Variants in IL6ST observed in about 807,000 individuals in gnomAD.
IL6ST encodes the protein interleukin 6 cytokine family signal transducer, also known as interleukin-6 receptor subunit beta.
Under a neutral mutation model 91.3 loss-of-function variants are expected in IL6ST, and 24 were observed. The observed-to-expected ratio is 0.26, with a 90% CI of 0.19 to 0.37. IL6ST has a LOEUF of 0.37. Among genes scored for constraint, IL6ST ranks in the 10% least tolerant of loss-of-function variants. The pLI is 1.00. For missense variants in IL6ST, 914 were observed against 1,078.5 expected (o/e 0.85, Z 2.14); for synonymous variants, 351 against 373.6 (o/e 0.94, Z 0.70).
intron 3 of IL6ST, among the ~76,000 whole-genome samples, chr5:55,971,071 A>G (rs959415603): frequency 6.6e-6 from 1 of 152,176 alleles, no homozygotes; most frequent in South Asian, 2.1e-4. Flanking sequence ...CATTAGACAT[A>G]TATCTACCTG....
intron 3 of IL6ST, among the ~76,000 whole-genome samples, chr5:55,972,996 T>C (rs1397952115): frequency 6.6e-6 from 1 of 150,462 alleles, no homozygotes; most frequent in Non-Finnish European, 1.5e-5. Flanking sequence ...CGAAACGAGA[T>C]TCCATCTCAA....
chr5:55,960,512 T>A lies in IL6ST; in HGVS notation c.863A>T (p.Asp288Val). The A allele has an allele frequency of 1.2e-6, 2 of 1,614,062 alleles. No individual in the cohort carries two copies. The highest frequency in any genetic ancestry group is 1.7e-6 in the Non-Finnish European group (2 of 1,179,926). ...CACATATTCTGTAAAAGGTTTAAGGTCTTGGACAGTGAATGAAGATCGGGT... is the reference window on the plus strand; with the variant it reads ...CACATATTCTGTAAAAGGTTTAAGGACTTGGACAGTGAATGAAGATCGGGT... The part of the protein sequence containing the change: ...ASTRSSFTVQ[D>V]LKPFTEYVFR... Residue 288 changes from aspartate (D) to valine (V), a missense_variant, in exon 8 of 17, where the codon GAC becomes GTC. Coordinates refer to ENST00000381298, the MANE Select transcript of IL6ST (RefSeq NM_002184.4).
intron 14 of IL6ST, among the ~76,000 whole-genome samples, chr5:55,947,971 A>G (rs1023641642): frequency 3.3e-5 from 5 of 152,226 alleles, no homozygotes; most frequent in South Asian, 2.1e-4. Flanking sequence ...ATACTGTATA[A>G]CAGAGAAATT....
At chr5:55,946,328 C>G (rs1431487146) in intron 15 of IL6ST, among the ~76,000 whole-genome samples, 1 of 152,148 alleles carries the variant, frequency 6.6e-6, no homozygotes, top group Admixed American at 6.5e-5. Context: ...CATATACTTA[C>G]CATATGACCC....
intron 8 of IL6ST, among the ~76,000 whole-genome samples, chr5:55,959,889 A>ATT (rs1188220929): frequency 2.8e-5 from 4 of 145,396 alleles, no homozygotes; most frequent in Admixed American, 6.9e-5. Flanking sequence ...TCCATGATGA[A>ATT]TTTTTTTTTT....
chr5:55,981,015 C>T (rs995227712), intron 2 of IL6ST, among the ~76,000 whole-genome samples: 2 of 152,166 alleles, frequency 1.3e-5, no homozygotes, highest in Admixed American at 1.3e-4. Flanking sequence ...CAGGTGTGAG[C>T]CACTGTGCCA....
At chr5:55,941,992 A>T (rs1020876291) in intron 16 of IL6ST, among the ~76,000 whole-genome samples, 173 bp from the exon 17 acceptor site, 3 of 152,208 alleles carry the variant, frequency 2.0e-5, no homozygotes, top group Non-Finnish European at 4.4e-5. Flanking sequence ...AAGTAGTCTA[A>T]ATCAATATTG....
chr5:55,983,402 C>T (rs183148556), intron 1 of IL6ST, among the ~76,000 whole-genome samples: 19 of 152,282 alleles, frequency 1.2e-4, no homozygotes, highest in South Asian at 2.1e-4. Context: ...TTATGACAGA[C>T]GGAGTTCTTT....
chr5:55,939,235 T>C lies in IL6ST; in HGVS notation c.*1847A>G, dbSNP rs1385653626. Reference sequence around the variant, plus strand: ...TTATCTTGTTGTGTAAATTTGGGTCTATCCCTACCTTTACTTCTCTGTGCC... The same window carrying C: ...TTATCTTGTTGTGTAAATTTGGGTCCATCCCTACCTTTACTTCTCTGTGCC... On this transcript the variant is annotated 3_prime_UTR_variant, in exon 17 of 17. Transcript: ENST00000381298. 1 of 214,332 alleles carries C rather than the reference T, an allele frequency of 4.7e-6. No homozygotes were observed. Among genetic ancestry groups the C allele is most frequent in the African/African-American group, 2.3e-5 (1 of 44,288 alleles). 13.3% of individuals were successfully genotyped at this position (214,332 alleles called of 1,614,324 possible).
chr5:55,963,548 A>G (rs779269566), intron 6 of IL6ST, 42 bp from the exon 7 acceptor site: 2 of 1,427,350 alleles, frequency 1.4e-6, no homozygotes, highest in Non-Finnish European at 1.9e-6. Flanking sequence ...ATGTTTTCCA[A>G]TTTCATATAC....
chr5:55,954,671 A>C lies in IL6ST; in HGVS notation c.1450+139T>G, dbSNP rs77918738. 610 of 587,378 alleles carry C rather than the reference A, an allele frequency of 1.0e-3. 2 individuals carry two copies. In the African/African-American group the frequency reaches 0.011, roughly 10 times the overall value. 36.4% of individuals were successfully genotyped at this position (587,378 alleles called of 1,614,324 possible). A position where few individuals can be genotyped will look rare whatever the true frequency, so the allele number is the denominator to read the frequency against. On this transcript the variant is annotated intron_variant, in intron 11 of 16. Coordinates refer to ENST00000381298, the MANE Select transcript of IL6ST (RefSeq NM_002184.4). ...AGAGAGGTTAAGTATGACTTGCTGAAAGTCACACATCTAGTAAGTAGTGAG... is the reference window on the plus strand; with the variant it reads ...AGAGAGGTTAAGTATGACTTGCTGACAGTCACACATCTAGTAAGTAGTGAG...
intron 8 of IL6ST, among the ~76,000 whole-genome samples, chr5:55,959,853 TC>T (rs1443264037): frequency 5.3e-5 from 8 of 152,150 alleles, no homozygotes; most frequent in Non-Finnish European, 7.4e-5. Context: ...TTAACGGTTT[TC>T]TGATAGATGT....
Position 55,940,629 on chromosome 5 carries a change from C to G in IL6ST, c.*453G>C, listed in dbSNP as rs1054499465. On this transcript the variant is annotated 3_prime_UTR_variant, in exon 17 of 17. Transcript: ENST00000381298. ...TGGACCTCTTTTTAAGTTATTTTAGCAGAAGTAGATGATGGTCTACACCTT... is the reference window on the plus strand; with the variant it reads ...TGGACCTCTTTTTAAGTTATTTTAGGAGAAGTAGATGATGGTCTACACCTT... 26 of 217,598 alleles carry G rather than the reference C, an allele frequency of 1.2e-4. No individual in the cohort carries two copies. The highest frequency in any genetic ancestry group is 9.6e-4 in the Admixed American group (17 of 17,664). The allele number at this position is 217,598 out of a possible 1,614,324, so 13.5% of individuals were successfully genotyped here.
In IL6ST at chr5:55,984,856, A is replaced by G. The variant is rs62363902; in HGVS notation, c.-103-2045T>C. On this transcript the variant is annotated intron_variant, in intron 1 of 16. Coordinates refer to ENST00000381298, the MANE Select transcript of IL6ST (RefSeq NM_002184.4). Reference sequence around the variant, plus strand: ...TATTTCAGGTAAGGGATACTGTAACAAAGGGATGCTCTATTACAGTAGCCC... The same window carrying G: ...TATTTCAGGTAAGGGATACTGTAACGAAGGGATGCTCTATTACAGTAGCCC... Among the ~76,000 whole-genome samples the G allele has an allele frequency of 3.1e-3, 477 of 152,362 alleles. 5 individuals carry two copies. The highest frequency in any genetic ancestry group is 6.8e-3 in the Middle Eastern group (2 of 294).
chr5:55,964,154 A>T lies in IL6ST; in HGVS notation c.650T>A (p.Val217Glu). The T allele has an allele frequency of 1.9e-6, 3 of 1,590,704 alleles. No individual in the cohort carries two copies. Among genetic ancestry groups the T allele is most frequent in the Non-Finnish European group, 2.6e-6 (3 of 1,167,262 alleles). The change falls in exon 6 of 17, where the codon GTA (valine) becomes GAA (glutamate). Residue 217 changes from valine to glutamate, a missense_variant. Val to Glu is a moderately radical substitution (Grantham distance 121, BLOSUM62 -2). Transcript: ENST00000381298. ...VTSDHINFDPVYKVKPNPPHN... is the reference protein window; with the variant it reads ...VTSDHINFDPEYKVKPNPPHN... ...TTCAGGTTTATAACTACCTTTATAT[A>T]CAGGATCAAAATTGATATGATCTGA... is the stretch of plus-strand genomic sequence containing the variant.
At chr5:55,981,337 G>T (rs1405035948) in intron 2 of IL6ST, among the ~76,000 whole-genome samples, 1 of 152,030 alleles carries the variant, frequency 6.6e-6, no homozygotes, top group Non-Finnish European at 1.5e-5. Context: ...TTCACTTGGG[G>T]CTTGCTTAAA....
chr5:55,939,468 TAAA>T lies in IL6ST; in HGVS notation c.*1611_*1613del, dbSNP rs1750745435. The stretch of plus-strand genomic sequence containing the variant: ...TCTAATGTGAACAATATTCTGAGAG[TAAA>T]AAGTGTAATTATATTTCCATTGTAA... On this transcript the variant is annotated 3_prime_UTR_variant, in exon 17 of 17. Transcript: ENST00000381298. 4.9e-6 allele frequency: 1 copy of T among 204,132 alleles called. No individual in the cohort carries two copies. The highest frequency in any genetic ancestry group is 2.3e-5 in the African/African-American group (1 of 43,752). 12.6% of individuals were successfully genotyped at this position (204,132 alleles called of 1,614,324 possible).
intron 6 of IL6ST, 91 bp downstream of exon 6, chr5:55,964,051 ACATT>A (rs1328487755): frequency 1.2e-5 from 7 of 561,770 alleles, no homozygotes; most frequent in African/African-American, 1.2e-4. Context: ...CTAAAAATCT[ACATT>A]AAAATCTTAA....
intron 3 of IL6ST, among the ~76,000 whole-genome samples, chr5:55,973,023 CAA>C (rs1046395898): frequency 1.4e-4 from 18 of 130,164 alleles, no homozygotes; most frequent in African/African-American, 4.2e-4. Context: ...AGAAAAAAAG[CAA>C]AAAAAAAAAG....
Sources: gnomAD v4.1 joint callset for allele counts (sites outside exome capture counted in the v4.1 genomes callset) on GRCh38, gnomAD v4.1.1 for gene constraint, MANE v1.5 for transcripts, NCBI Gene and HGNC (gene_info 2026-07-23, HGNC 2026-07-21) for gene names.